PCSK5: variants seen among roughly 807,000 people sequenced by gnomAD.
The protein encoded by PCSK5 is proprotein convertase subtilisin/kexin type 5.
PCSK5 carries 129 observed loss-of-function variants against 233.2 expected under a neutral mutation model. The ratio of observed to expected loss-of-function variants is 0.55; its 90% CI spans 0.48 to 0.64. PCSK5 has a LOEUF of 0.64. Among genes scored for constraint, PCSK5 ranks in the 30% least tolerant of loss-of-function variants. The probability of loss-of-function intolerance (pLI) is 0.00; values close to 1 mark genes in which losing one functional copy is unlikely to be tolerated. For missense variants in PCSK5, 2,076 were observed against 2,430.1 expected, an observed-to-expected ratio of 0.85 and a Z score of 3.06; for synonymous variants, 825 against 879.2, an observed-to-expected ratio of 0.94 and a Z score of 1.09.
chr9:76,055,646 G>A (rs1327737737), intron 5 of PCSK5, among the ~76,000 whole-genome samples: 2 of 152,060 alleles, frequency 1.3e-5, no homozygotes, highest in Non-Finnish European at 2.9e-5. Context: ...ACAGAGCATT[G>A]ATAGTAGGCA....
chr9:75,903,737 T>C (rs944704626), intron 1 of PCSK5, among the ~76,000 whole-genome samples: 2 of 151,462 alleles, frequency 1.3e-5, no homozygotes, highest in African/African-American at 2.4e-5. Context: ...TGTATATCCA[T>C]GTTCCCATGC....
At position 76,323,275 on chromosome 9, in the gene PCSK5, T is replaced by A. The variant is rs927738521; in HGVS notation, c.4326T>A (p.Thr1442=). ...CPAGTYYEKE[T]KECRDCHKSC... Reference sequence around the variant, plus strand: ...CAGGAACCTATTATGAAAAGGAGACTAAGGAGTGCAGAGGTAAAGACTTCT... The same window carrying A: ...CAGGAACCTATTATGAAAAGGAGACAAAGGAGTGCAGAGGTAAAGACTTCT... Residue 1442 remains threonine (T), a synonymous_variant, in exon 32 of 38, where the codon ACT becomes ACA. Coordinates refer to ENST00000674117, the MANE Select transcript of PCSK5 (RefSeq NM_001372043.1). 2.5e-6 allele frequency: 4 copies of A among 1,599,432 alleles called. No homozygotes were observed. Among genetic ancestry groups the A allele is most frequent in the Non-Finnish European group, 3.4e-6 (4 of 1,167,922 alleles).
chr9:76,123,446 C>G lies in PCSK5; in HGVS notation c.1209-10663C>G, dbSNP rs1470905319. 2.6e-5 allele frequency among the ~76,000 whole-genome samples: 4 copies of G among 152,066 alleles called. No homozygotes were observed. The East Asian group carries it at 7.7e-4, about 29-fold the overall frequency. On this transcript the variant is annotated intron_variant, in intron 9 of 37. Transcript: ENST00000674117. Reference sequence around the variant, plus strand: ...TGTTTTGTAATAGAAGAGTTATCACCTTTGACTCCTTGCTATATAAACATG... The same window carrying G: ...TGTTTTGTAATAGAAGAGTTATCACGTTTGACTCCTTGCTATATAAACATG...
intron 27 of PCSK5, 108 bp downstream of exon 27, chr9:76,296,973 A>C: frequency 1.4e-6 from 1 of 728,746 alleles, no homozygotes. Context: ...GGCTGTGCAG[A>C]AAAACAAGAG....
At chr9:75,950,151 G>T (rs537781792) in intron 2 of PCSK5, among the ~76,000 whole-genome samples, 4 of 119,524 alleles carry the variant, frequency 3.3e-5, no homozygotes, top group South Asian at 2.9e-4. Flanking sequence ...GTGTGGGGGG[G>T]GCGGGGAGGG....
At chr9:76,131,907 A>G (rs1472008864) in intron 9 of PCSK5, among the ~76,000 whole-genome samples, 3 of 152,124 alleles carry the variant, frequency 2.0e-5, no homozygotes, top group African/African-American at 7.2e-5. Flanking sequence ...TACTAGGTTG[A>G]TTTAGATATT....
intron 31 of PCSK5, among the ~76,000 whole-genome samples, chr9:76,322,098 C>G (rs1202156568): frequency 6.6e-6 from 1 of 151,936 alleles, no homozygotes; most frequent in Non-Finnish European, 1.5e-5. Flanking sequence ...TACAGGCACG[C>G]TCCACCACGC....
chr9:75,970,617 A>T (rs964999484), intron 2 of PCSK5, among the ~76,000 whole-genome samples: 8 of 151,712 alleles, frequency 5.3e-5, no homozygotes, highest in African/African-American at 1.9e-4. Context: ...TTTAAACTTT[A>T]TTTTATTTAT....
In PCSK5 at chr9:76,332,577, T is replaced by G; in HGVS notation, c.4715T>G (p.Leu1572Arg). The part of the protein sequence containing the change: ...CHSCRPGWFQ[L>R]GKECLLQCRE... ...TCCTGCCGACCGGGCTGGTTCCAGC[T>G]AGGAAAAGAGTGCCTGCTCCAGTGC... Residue 1572 changes from leucine (L) to arginine (R), a missense_variant, in exon 34 of 38, where the codon CTA becomes CGA. Around this residue, in one of 6 missense-constraint regions of PCSK5, gnomAD observed 1,510 missense variants for 1,538.1 expected, o/e 0.98. Transcript: ENST00000674117. The G allele has an allele frequency of 6.2e-7, 1 of 1,605,478 alleles. No individual in the cohort carries two copies.
chr9:75,973,635 TCA>T (rs1439878164), intron 2 of PCSK5, among the ~76,000 whole-genome samples: 1 of 152,214 alleles, frequency 6.6e-6, no homozygotes, highest in Non-Finnish European at 1.5e-5. Flanking sequence ...GCCTATAGTC[TCA>T]GTCTTTATCC....
intron 4 of PCSK5, among the ~76,000 whole-genome samples, chr9:76,024,534 A>G (rs1235503840): frequency 6.6e-6 from 1 of 152,238 alleles, no homozygotes; most frequent in African/African-American, 2.4e-5. Context: ...ATGGTCAGAT[A>G]GAAGAATAGA....
chr9:75,964,333 CTTT>C (rs553188534), intron 2 of PCSK5, among the ~76,000 whole-genome samples: 2 of 152,094 alleles, frequency 1.3e-5, no homozygotes, highest in African/African-American at 4.8e-5. Context: ...TAATGTTTTT[CTTT>C]TTTAATTTTT....
intron 2 of PCSK5, among the ~76,000 whole-genome samples, chr9:75,956,047 T>C (rs906159844): frequency 7.0e-4 from 107 of 152,340 alleles, no homozygotes; most frequent in African/African-American, 2.5e-3. Context: ...GCTGTACTCT[T>C]GTAACCACTA....
intron 24 of PCSK5, among the ~76,000 whole-genome samples, chr9:76,243,091 G>A (rs1334169774): frequency 6.6e-6 from 1 of 152,194 alleles, no homozygotes; most frequent in Non-Finnish European, 1.5e-5. Context: ...CCAAGGGGAA[G>A]TCACTGGAAA....
At chr9:76,109,431 T>A (rs1362993534) in intron 9 of PCSK5, among the ~76,000 whole-genome samples, 1 of 26,780 alleles carries the variant, frequency 3.7e-5, no homozygotes, top group Non-Finnish European at 7.7e-5. Flanking sequence ...GTAACACTAT[T>A]ATTTTTTTAA....
chr9:75,967,999 T>C (rs985230717), intron 2 of PCSK5, among the ~76,000 whole-genome samples: 3 of 152,170 alleles, frequency 2.0e-5, no homozygotes, highest in African/African-American at 7.2e-5. Context: ...CGACCTCAGG[T>C]GATCCGCCCG....
At chr9:75,999,067 T>A (rs1827149644) in intron 3 of PCSK5, among the ~76,000 whole-genome samples, 1 of 152,134 alleles carries the variant, frequency 6.6e-6, no homozygotes, top group African/African-American at 2.4e-5. Flanking sequence ...TATTTATTTA[T>A]TTTTTTATTA....
chr9:76,120,093 A>G (rs1354186815), intron 9 of PCSK5, among the ~76,000 whole-genome samples: 1 of 152,056 alleles, frequency 6.6e-6, no homozygotes. Flanking sequence ...AAGTTGAACC[A>G]ACTAGAGTTT....
chr9:76,357,009 T>C (rs1830318415), intron 37 of PCSK5, among the ~76,000 whole-genome samples: 1 of 152,204 alleles, frequency 6.6e-6, no homozygotes, highest in Admixed American at 6.5e-5. Context: ...GGTTCTTTCA[T>C]ACTCCCATGT....
Sources: allele counts gnomAD v4.1 joint callset (sites outside exome capture counted in the v4.1 genomes callset), GRCh38; gene constraint gnomAD v4.1.1; regional missense constraint gnomAD v4.1.1; transcripts MANE v1.5; gene names NCBI Gene and HGNC (gene_info 2026-07-23, HGNC 2026-07-21).